SDK1: variants seen among roughly 807,000 people sequenced by gnomAD.
SDK1 encodes the protein protein sidekick-1.
A neutral mutation model predicts 245.5 loss-of-function variants in SDK1; 157 were observed. The observed-to-expected ratio is 0.64, with a 90% CI of 0.56 to 0.73. The LOEUF (loss-of-function observed/expected upper bound fraction) is 0.73. SDK1 is among the 30% of genes least tolerant of loss of function. The pLI, the probability that SDK1 is intolerant of heterozygous loss-of-function variation, is 0.00. For synonymous variants in SDK1, 1,647 were observed against 1,278.5 expected (o/e 1.29, Z -6.15); for missense variants, 3,583 against 3,002.3 (o/e 1.19, Z -4.52).
At chr7:3,923,252 T>G (rs1779655701) in intron 5 of SDK1, among the ~76,000 whole-genome samples, 1 of 152,222 alleles carries the variant, frequency 6.6e-6, no homozygotes. Context: ...TTTATGTTCT[T>G]TAAATTGATC....
intron 4 of SDK1, among the ~76,000 whole-genome samples, chr7:3,735,900 C>G (rs1442696902): frequency 6.6e-6 from 1 of 152,136 alleles, no homozygotes; most frequent in African/African-American, 2.4e-5. Flanking sequence ...TGAACCTACT[C>G]TCTCATTGCG....
chr7:4,126,119 C>T (rs905544563), intron 25 of SDK1, among the ~76,000 whole-genome samples: 1 of 152,200 alleles, frequency 6.6e-6, no homozygotes, highest in Non-Finnish European at 1.5e-5. Flanking sequence ...CCATGGGGGC[C>T]CTGAAGTATG....
chr7:3,657,588 T>A (rs1783227311), intron 4 of SDK1, among the ~76,000 whole-genome samples: 1 of 134,984 alleles, frequency 7.4e-6, no homozygotes, highest in South Asian at 2.6e-4. Flanking sequence ...GACTTAATGT[T>A]TAGGGGACTC....
rs1385677981 is a variant in SDK1 at position 3,880,708 on chromosome 7, G to A, written c.847+59125G>A. On this transcript the variant is annotated intron_variant, in intron 5 of 44. Transcript: ENST00000404826. ...CCAAAAACACATTCCCCAGGTCGAG[G>A]TGGTGGAGCTGACCCAGCCTTCACT... is the stretch of plus-strand genomic sequence containing the variant. 2.6e-5 allele frequency among the ~76,000 whole-genome samples: 4 copies of A among 152,112 alleles called. No individual in the cohort carries two copies. In the East Asian group the frequency reaches 7.7e-4, roughly 29 times the overall value.
At chr7:4,032,679 A>C (rs1787911035) in intron 17 of SDK1, among the ~76,000 whole-genome samples, 1 of 152,256 alleles carries the variant, frequency 6.6e-6, no homozygotes, top group Non-Finnish European at 1.5e-5. Flanking sequence ...TGCACAAGCA[A>C]AACATAGCTT....
intron 4 of SDK1, among the ~76,000 whole-genome samples, chr7:3,790,210 C>T (rs1250567556): frequency 1.3e-5 from 2 of 152,072 alleles, no homozygotes; most frequent in Admixed American, 1.3e-4. Context: ...AGTTTAGAAG[C>T]CAGGGGGCTG....
chr7:4,231,367 C>T (rs1785750597), intron 40 of SDK1, among the ~76,000 whole-genome samples: 1 of 150,482 alleles, frequency 6.6e-6, no homozygotes, highest in African/African-American at 2.5e-5. Flanking sequence ...AGTTCGAGCC[C>T]AGCCTGGGCA....
At chr7:3,982,917 G>T (rs532902975) in intron 13 of SDK1, among the ~76,000 whole-genome samples, 2 of 152,254 alleles carry the variant, frequency 1.3e-5, no homozygotes, top group African/African-American at 4.8e-5. Context: ...GGAAGAAGTT[G>T]ATTCCAGCCC....
chr7:3,951,870 CG>C lies in SDK1; in HGVS notation c.1104del (p.Ser369AlafsTer15). 6.2e-7 allele frequency: 1 copy of C among 1,613,660 alleles called. No homozygotes were observed. Among genetic ancestry groups the C allele is most frequent in the Non-Finnish European group, 8.5e-7 (1 of 1,179,992 alleles). ...CCATACGTCTGCGAGGCGGCGCTGC[CG>C]GGGAGCGCTTTTGAACCGGCCAGGG... ...TGPYVCEAAL[P>X]GSAFEPARAT... On this transcript the variant is annotated frameshift_variant, in exon 7 of 45. Coordinates refer to ENST00000404826, the MANE Select transcript of SDK1 (RefSeq NM_152744.4). LOFTEE classifies it high-confidence loss of function.
At chr7:3,983,392 C>T (rs779438264) in intron 13 of SDK1, among the ~76,000 whole-genome samples, 64 of 152,266 alleles carry the variant, frequency 4.2e-4, no homozygotes, top group Non-Finnish European at 7.9e-4. Context: ...CCCACCACTC[C>T]GATCAGTCCA....
At chr7:3,980,745 C>A (rs187147373) in intron 13 of SDK1, among the ~76,000 whole-genome samples, 1 of 152,260 alleles carries the variant, frequency 6.6e-6, no homozygotes, top group East Asian at 1.9e-4. Context: ...ATTTCAAGAC[C>A]AGCCTGGCCA....
At chr7:4,155,601 A>T (rs117298987) in intron 30 of SDK1, among the ~76,000 whole-genome samples, 2 of 152,254 alleles carry the variant, frequency 1.3e-5, no homozygotes, top group East Asian at 3.8e-4. Context: ...AAATACATCA[A>T]TAAGTAAGCA....
intron 4 of SDK1, among the ~76,000 whole-genome samples, chr7:3,657,514 G>A (rs942397361): frequency 1.3e-5 from 2 of 152,170 alleles, no homozygotes; most frequent in African/African-American, 2.4e-5. Flanking sequence ...TGGATTTAAA[G>A]CAGGAAGAGG....
chr7:3,609,999 C>T (rs1055106385), intron 1 of SDK1, among the ~76,000 whole-genome samples: 12 of 152,286 alleles, frequency 7.9e-5, no homozygotes, highest in South Asian at 4.1e-4. Context: ...TCATACCTGG[C>T]ATAGAGCTGG....
intron 41 of SDK1, among the ~76,000 whole-genome samples, chr7:4,233,943 G>A (rs1785975110): frequency 6.6e-6 from 1 of 152,224 alleles, no homozygotes; most frequent in Non-Finnish European, 1.5e-5. Flanking sequence ...AGTGTCAGAG[G>A]TGTGAGCATG....
chr7:4,029,306 G>A (rs753136199), intron 17 of SDK1, among the ~76,000 whole-genome samples: 8 of 146,114 alleles, frequency 5.5e-5, no homozygotes, highest in Non-Finnish European at 8.9e-5. Flanking sequence ...CCACTTCTTG[G>A]GTAAAGCAAT....
At chr7:3,781,889 T>A (rs985126719) in intron 4 of SDK1, among the ~76,000 whole-genome samples, 1 of 152,036 alleles carries the variant, frequency 6.6e-6, no homozygotes, top group African/African-American at 2.4e-5. Context: ...AAAAGAATGA[T>A]AAAGAATGAA....
At chr7:3,328,988 A>G (rs919854177) in intron 1 of SDK1, among the ~76,000 whole-genome samples, 6 of 152,164 alleles carry the variant, frequency 3.9e-5, no homozygotes, top group Non-Finnish European at 7.4e-5. Context: ...ATAATGCTGG[A>G]TTACCCAAAC....
At chr7:3,823,048 T>C (rs2115062282) in intron 5 of SDK1, among the ~76,000 whole-genome samples, 1 of 152,184 alleles carries the variant, frequency 6.6e-6, no homozygotes, top group East Asian at 1.9e-4. Flanking sequence ...GGCACAGATT[T>C]AGGATGAGTG....
Sources: gnomAD v4.1 joint callset for allele counts (sites outside exome capture counted in the v4.1 genomes callset) on GRCh38, gnomAD v4.1.1 for gene constraint, MANE v1.5 for transcripts, NCBI Gene and HGNC (gene_info 2026-07-23, HGNC 2026-07-21) for gene names.